GPC6: variants seen among roughly 807,000 people sequenced by gnomAD.
GPC6 encodes glypican 6.
A neutral mutation model predicts 55.2 loss-of-function variants in GPC6; 14 were observed. The ratio of observed to expected loss-of-function variants is 0.25; its 90% CI spans 0.17 to 0.40. The LOEUF is 0.40. GPC6 is among the 10% of genes least tolerant of loss of function. The pLI is 1.00. For synonymous variants in GPC6, 278 were observed against 259.6 expected, an observed-to-expected ratio of 1.07 and a Z score of -0.68; for missense variants, 641 against 708.5, an observed-to-expected ratio of 0.90 and a Z score of 1.08.
At chr13:93,449,623 T>C (rs917327724) in intron 1 of GPC6, among the ~76,000 whole-genome samples, 2 of 151,908 alleles carry the variant, frequency 1.3e-5, no homozygotes, top group East Asian at 2.0e-4. Context: ...AGGTCAGGAG[T>C]TCGAAACCAG....
chr13:93,678,611 G>A (rs1954627220), intron 2 of GPC6, among the ~76,000 whole-genome samples: 1 of 152,158 alleles, frequency 6.6e-6, no homozygotes, highest in Non-Finnish European at 1.5e-5. Context: ...TGCAGTCAGA[G>A]TTAGGAGCTC....
chr13:94,391,978 CCTTT>C (rs1454899461), intron 7 of GPC6, among the ~76,000 whole-genome samples: 3 of 152,178 alleles, frequency 2.0e-5, no homozygotes, highest in African/African-American at 7.2e-5. Flanking sequence ...CAATTTTCTT[CCTTT>C]CTAAGGCTGA....
chr13:93,262,047 C>T (rs1282584303), intron 1 of GPC6, among the ~76,000 whole-genome samples: 1 of 151,848 alleles, frequency 6.6e-6, no homozygotes, highest in Non-Finnish European at 1.5e-5. Context: ...TAAATTCTGA[C>T]TACAAGACTA....
At chr13:94,084,941 G>C (rs1169545740) in intron 4 of GPC6, among the ~76,000 whole-genome samples, 1 of 152,016 alleles carries the variant, frequency 6.6e-6, no homozygotes, top group African/African-American at 2.4e-5. Context: ...GGTGAAGTGA[G>C]AGTTTATGTC....
intron 4 of GPC6, among the ~76,000 whole-genome samples, chr13:94,039,429 A>G (rs527529590): frequency 6.6e-6 from 1 of 152,064 alleles, no homozygotes; most frequent in Admixed American, 6.6e-5. Context: ...ATAAAAATTT[A>G]TAGGACTCCG....
chr13:93,374,829 A>C (rs542434036), intron 1 of GPC6, among the ~76,000 whole-genome samples: 1 of 152,348 alleles, frequency 6.6e-6, no homozygotes, highest in African/African-American at 2.4e-5. Context: ...ATGAAGCTGA[A>C]GATAAAGATA....
At chr13:93,765,336 T>A (rs1367584421) in intron 2 of GPC6, among the ~76,000 whole-genome samples, 1 of 152,186 alleles carries the variant, frequency 6.6e-6, no homozygotes, top group Admixed American at 6.5e-5. Flanking sequence ...GAAATCTTTG[T>A]ACTTATAAAT....
At chr13:94,072,754 G>T (rs1884781501) in intron 4 of GPC6, among the ~76,000 whole-genome samples, 1 of 152,220 alleles carries the variant, frequency 6.6e-6, no homozygotes, top group Non-Finnish European at 1.5e-5. Context: ...TTTGTGGTCT[G>T]CAGGAACAAG....
chr13:93,315,046 G>A (rs778099466), intron 1 of GPC6, among the ~76,000 whole-genome samples: 12 of 152,020 alleles, frequency 7.9e-5, no homozygotes, highest in Non-Finnish European at 1.2e-4. Context: ...TTGAAAGATG[G>A]TTAAAGAGCT....
chr13:93,287,233 T>C (rs1025246685), intron 1 of GPC6, among the ~76,000 whole-genome samples: 2 of 152,180 alleles, frequency 1.3e-5, no homozygotes, highest in Non-Finnish European at 2.9e-5. Flanking sequence ...TAAAAGAGCC[T>C]ACTGAGAAAT....
At chr13:93,470,713 G>C (rs113070973) in intron 1 of GPC6, among the ~76,000 whole-genome samples, 2 of 151,258 alleles carry the variant, frequency 1.3e-5, no homozygotes, top group Non-Finnish European at 3.0e-5. Context: ...TTATAAAATT[G>C]GTGTTATTTT....
At chr13:94,350,306 C>A (rs959697937) in intron 6 of GPC6, among the ~76,000 whole-genome samples, 1 of 151,988 alleles carries the variant, frequency 6.6e-6, no homozygotes, top group Admixed American at 6.5e-5. Context: ...TCAGTCTGCA[C>A]CCCAGGTGGA....
chr13:94,206,029 CA>C (rs146767636), intron 4 of GPC6, among the ~76,000 whole-genome samples: 2,416 of 152,210 alleles, frequency 0.016, 74 homozygotes, highest in African/African-American at 0.056. Flanking sequence ...ACAGAGCAGA[CA>C]AAGATTCATC....
chr13:93,943,390 A>G (rs1878831938), intron 3 of GPC6, among the ~76,000 whole-genome samples: 1 of 152,046 alleles, frequency 6.6e-6, no homozygotes, highest in Non-Finnish European at 1.5e-5. Context: ...AAACCAACAC[A>G]CTGATGACAG....
intron 1 of GPC6, among the ~76,000 whole-genome samples, chr13:93,514,637 T>G (rs1054059625): frequency 6.6e-6 from 1 of 152,228 alleles, no homozygotes; most frequent in African/African-American, 2.4e-5. Flanking sequence ...GAATTTTATT[T>G]CACTATTCCC....
At chr13:93,806,846 C>A (rs1383199608) in intron 2 of GPC6, among the ~76,000 whole-genome samples, 1 of 152,054 alleles carries the variant, frequency 6.6e-6, no homozygotes, top group African/African-American at 2.4e-5. Context: ...TAGATGAATA[C>A]AATTATGATG....
chr13:94,370,249 C>G (rs1396014698), intron 6 of GPC6, among the ~76,000 whole-genome samples: 2 of 152,208 alleles, frequency 1.3e-5, no homozygotes, highest in African/African-American at 2.4e-5. Context: ...GACAAGAGTT[C>G]AGCAACCACA....
intron 2 of GPC6, among the ~76,000 whole-genome samples, chr13:93,618,422 C>T (rs878994399): frequency 6.6e-6 from 1 of 152,070 alleles, no homozygotes; most frequent in Non-Finnish European, 1.5e-5. Flanking sequence ...GCCTCACATA[C>T]TCATCTCAAT....
chr13:93,328,729 T>G (rs1879740041), intron 1 of GPC6, among the ~76,000 whole-genome samples: 2 of 151,790 alleles, frequency 1.3e-5, no homozygotes, highest in Admixed American at 6.6e-5. Context: ...AATTTGAAAT[T>G]AACCCAATCA....
Sources: gnomAD v4.1 joint callset for allele counts (sites outside exome capture counted in the v4.1 genomes callset) on GRCh38, gnomAD v4.1.1 for gene constraint, MANE v1.5 for transcripts, NCBI Gene and HGNC (gene_info 2026-07-23, HGNC 2026-07-21) for gene names.